Variants in CBLB observed in about 807,000 individuals in gnomAD.
The protein encoded by CBLB is E3 ubiquitin-protein ligase CBL-B.
Under a neutral mutation model 104.9 loss-of-function variants are expected in CBLB, and 31 were observed. That is an observed-to-expected ratio of 0.30 (90% CI 0.22 to 0.40). The LOEUF (loss-of-function observed/expected upper bound fraction) is 0.40, where lower values mean the gene tolerates loss of function less well. CBLB is among the 10% of genes least tolerant of loss of function. The probability of loss-of-function intolerance (pLI) is 1.00; values close to 1 mark genes in which losing one functional copy is unlikely to be tolerated. For missense variants in CBLB, 1,062 were observed against 1,214.6 expected, an observed-to-expected ratio of 0.87 and a Z score of 1.87; for synonymous variants, 440 against 422.6, an observed-to-expected ratio of 1.04 and a Z score of -0.51.
chr3:105,826,758 T>C (rs1376550183), intron 3 of CBLB, among the ~76,000 whole-genome samples: 1 of 152,112 alleles, frequency 6.6e-6, no homozygotes, highest in Non-Finnish European at 1.5e-5. Context: ...ATGATGCAAA[T>C]GCACCCAGAA....
chr3:105,789,682 T>C (rs2081416837), intron 3 of CBLB, among the ~76,000 whole-genome samples: 1 of 152,168 alleles, frequency 6.6e-6, no homozygotes, highest in African/African-American at 2.4e-5. Flanking sequence ...ACATAGAATG[T>C]TTATAGACCT....
At chr3:105,691,665 A>G (rs577282412) in intron 13 of CBLB, among the ~76,000 whole-genome samples, 1 of 152,316 alleles carries the variant, frequency 6.6e-6, no homozygotes, top group Admixed American at 6.5e-5. Context: ...TAGCACTAGA[A>G]TATAATCATA....
chr3:105,659,193 C>A lies in CBLB; in HGVS notation c.2726G>T (p.Arg909Leu), dbSNP rs371406651. Residue 909 changes from arginine (R) to leucine (L), a missense_variant, in exon 19 of 19, where the codon CGA becomes CTA. Physicochemically the swap from Arg to Leu is moderately radical, Grantham distance 102. Coordinates refer to ENST00000394030, the MANE Select transcript of CBLB (RefSeq NM_170662.5). ...SQAPARPPKPRPRRTAPEIHH... is the reference protein window; with the variant it reads ...SQAPARPPKPLPRRTAPEIHH... Reference sequence around the variant, plus strand: ...AATTTCTGGTGCAGTCCTGCGCGGTCGTGGTTTAGGGGGTCTGGCTGGTGC... The same window carrying A: ...AATTTCTGGTGCAGTCCTGCGCGGTAGTGGTTTAGGGGGTCTGGCTGGTGC... 1.2e-6 allele frequency: 2 copies of A among 1,613,798 alleles called. No individual in the cohort carries two copies. Among genetic ancestry groups the A allele is most frequent in the South Asian group, 1.1e-5 (1 of 91,054 alleles).
At chr3:105,707,461 TCCTA>T (rs60002291) in intron 10 of CBLB, among the ~76,000 whole-genome samples, 32,532 of 151,912 alleles carry the variant, frequency 0.21, 3,575 homozygotes, top group Admixed American at 0.26. Flanking sequence ...AGAGTAAAAT[TCCTA>T]CCTAAGAGTA....
At chr3:105,696,249 G>C (rs1217942761) in intron 12 of CBLB, among the ~76,000 whole-genome samples, 1 of 151,578 alleles carries the variant, frequency 6.6e-6, no homozygotes, top group Admixed American at 6.6e-5. Flanking sequence ...GGACCTAAAT[G>C]CGCAGGTACT....
chr3:105,664,790 C>T (rs572784917), intron 18 of CBLB, among the ~76,000 whole-genome samples: 1 of 152,082 alleles, frequency 6.6e-6, no homozygotes, highest in Admixed American at 6.5e-5. Flanking sequence ...TAATCAGAAT[C>T]TAGATTTTGA....
chr3:105,847,262 C>G (rs376558279), intron 3 of CBLB, among the ~76,000 whole-genome samples: 16 of 152,052 alleles, frequency 1.1e-4, no homozygotes, highest in African/African-American at 3.6e-4. Context: ...CTTTGTTTAG[C>G]CAAACAGTCA....
intron 9 of CBLB, among the ~76,000 whole-genome samples, chr3:105,733,251 G>A (rs1324664066): frequency 6.6e-6 from 1 of 151,962 alleles, no homozygotes; most frequent in Non-Finnish European, 1.5e-5. Context: ...CAGCTACTCG[G>A]GAGGCTGAGG....
At position 105,684,067 on chromosome 3, in the gene CBLB, T is replaced by A. The variant is rs2066678159; in HGVS notation, c.2201+1253A>T. Among the ~76,000 whole-genome samples, 5 of 152,334 alleles carry A rather than the reference T, an allele frequency of 3.3e-5. No homozygotes were observed. The South Asian group carries it at 1.0e-3, about 32-fold the overall frequency. On this transcript the variant is annotated intron_variant, in intron 14 of 18. Coordinates refer to ENST00000394030, the MANE Select transcript of CBLB (RefSeq NM_170662.5). The stretch of plus-strand genomic sequence containing the variant: ...GGAAAAGAAGGGAACACTGTACTTA[T>A]AAAATGTTTTCAGTTGATTGACTTG...
In CBLB at chr3:105,664,377, T is replaced by C. The variant is rs2064141728; in HGVS notation, c.2690-5148A>G. On this transcript the variant is annotated intron_variant, in intron 18 of 18. Transcript: ENST00000394030. ...TTAAAATGACATTTATTTTTTAAAA[T>C]AATGTGGTAAAATACTTATAATACT... is the stretch of plus-strand genomic sequence containing the variant. Among the ~76,000 whole-genome samples the C allele has an allele frequency of 2.0e-5, 3 of 152,282 alleles. No homozygotes were observed. In the South Asian group the frequency reaches 6.2e-4, roughly 32 times the overall value.
At chr3:105,731,800 C>T (rs2074347642) in intron 9 of CBLB, among the ~76,000 whole-genome samples, 1 of 152,148 alleles carries the variant, frequency 6.6e-6, no homozygotes, top group African/African-American at 2.4e-5. Flanking sequence ...TTTTACTAAA[C>T]AAATGTTTCT....
chr3:105,808,462 A>G (rs2083812398), intron 3 of CBLB, among the ~76,000 whole-genome samples: 1 of 152,204 alleles, frequency 6.6e-6, no homozygotes, highest in Non-Finnish European at 1.5e-5. Context: ...CTGTGTTTTC[A>G]TAATATAAAC....
intron 9 of CBLB, among the ~76,000 whole-genome samples, chr3:105,733,684 G>A (rs1373231833): frequency 1.3e-5 from 2 of 152,150 alleles, no homozygotes; most frequent in African/African-American, 4.8e-5. Context: ...TTCAGAAACT[G>A]ACCTACTACA....
At chr3:105,680,576 T>A (rs16851429) in intron 16 of CBLB, among the ~76,000 whole-genome samples, 30 of 152,080 alleles carry the variant, frequency 2.0e-4, no homozygotes, top group Non-Finnish European at 2.2e-4. Flanking sequence ...CTTTTGTAAT[T>A]GATGTAGGTG....
intron 10 of CBLB, among the ~76,000 whole-genome samples, chr3:105,715,809 C>T (rs1288070083): frequency 3.9e-5 from 6 of 152,088 alleles, no homozygotes; most frequent in Non-Finnish European, 7.4e-5. Context: ...GAGGCTGAGG[C>T]GGCTGGATCA....
intron 4 of CBLB, among the ~76,000 whole-genome samples, chr3:105,755,349 C>T (rs1018148152): frequency 2.0e-5 from 3 of 152,146 alleles, no homozygotes; most frequent in African/African-American, 7.2e-5. Context: ...AAGGTGTCAG[C>T]TGGTCAGTAG....
At chr3:105,813,945 T>C (rs2084663085) in intron 3 of CBLB, among the ~76,000 whole-genome samples, 1 of 152,180 alleles carries the variant, frequency 6.6e-6, no homozygotes, top group Non-Finnish European at 1.5e-5. Context: ...ACAAAGCCTA[T>C]CAGACTTGTC....
At chr3:105,828,131 G>C (rs1452126589) in intron 3 of CBLB, among the ~76,000 whole-genome samples, 3 of 152,260 alleles carry the variant, frequency 2.0e-5, no homozygotes, top group Non-Finnish European at 4.4e-5. Flanking sequence ...TCATAACCCT[G>C]TTCACATTCT....
At chr3:105,671,141 A>C (rs2065021251) in intron 17 of CBLB, 1 of 192,774 alleles carries the variant, frequency 5.2e-6, no homozygotes, top group African/African-American at 2.3e-5. Flanking sequence ...TAATACCATA[A>C]ACCCAACTGG....
Sources: gnomAD v4.1 joint callset for allele counts (sites outside exome capture counted in the v4.1 genomes callset) on GRCh38, gnomAD v4.1.1 for gene constraint, MANE v1.5 for transcripts, NCBI Gene and HGNC (gene_info 2026-07-23, HGNC 2026-07-21) for gene names.